FGF8: variants seen among roughly 807,000 people sequenced by gnomAD.
The protein encoded by FGF8 is androgen-induced growth factor.
Under a neutral mutation model 29.7 loss-of-function variants are expected in FGF8, and 12 were observed. That is an observed-to-expected ratio of 0.40 (90% CI 0.26 to 0.65). FGF8 has a LOEUF of 0.65. FGF8 is among the 30% of genes least tolerant of loss of function. The pLI, the probability that FGF8 is intolerant of heterozygous loss-of-function variation, is 0.37. For synonymous variants in FGF8, 157 were observed against 144.4 expected (o/e 1.09, Z -0.63); for missense variants, 271 against 345.1 (o/e 0.79, Z 1.70).
rs1213447388 is a variant in FGF8 at position 101,774,749 on chromosome 10, T to C, written c.320A>G (p.Glu107Gly). The change falls in exon 4 of 6, where the codon GAG becomes GGG. Residue 107 changes from glutamate (E) to glycine (G), a missense_variant. This residue lies in a region of FGF8 where 168 missense variants were observed against 207.0 expected (regional missense o/e 0.81). Coordinates refer to ENST00000320185, the MANE Select transcript of FGF8 (RefSeq NM_033163.5). ...CGCCTTACCGAAGGGGTCGCCGTCC[T>C]CTGCCATGGCGTTGATGCGCTTGTT... is the stretch of plus-strand genomic sequence containing the variant. ...LANKRINAMAEDGDPFAKLIV... is the reference protein window; with the variant it reads ...LANKRINAMAGDGDPFAKLIV... The C allele has an allele frequency of 6.2e-7, 1 of 1,606,644 alleles. No individual in the cohort carries two copies. The highest frequency in any genetic ancestry group is 8.5e-7 in the Non-Finnish European group (1 of 1,179,816).
rs745400628 is a variant in FGF8, at chr10:101,770,404, G to T, written c.660C>A (p.Phe220Leu). ...GHHTTEQSLR[F>L]EFLNYPPFTR... is the part of the protein sequence containing the mutation. ...TGAAGGGCGGGTAGTTGAGGAACTC[G>T]AAGCGCAGGCTCTGCTCGGTGGTGT... The change falls in exon 6 of 6, where the codon TTC (phenylalanine) becomes TTA (leucine). Residue 220 changes from phenylalanine (F) to leucine (L), a missense_variant. Phe to Leu is a conservative substitution (Grantham distance 22). Around this residue, in one of 3 missense-constraint regions of FGF8, gnomAD observed 62 missense variants for 58.1 expected, o/e 1.07. Transcript: ENST00000320185. The T allele has an allele frequency of 1.2e-6, 2 of 1,607,234 alleles. No homozygotes were observed. Among genetic ancestry groups the T allele is most frequent in the Non-Finnish European group, 1.7e-6 (2 of 1,177,356 alleles).
rs767171479 is a variant in FGF8, at chr10:101,774,768, G to A, written c.301C>T (p.Arg101Cys). 1 of 1,609,422 alleles carries A rather than the reference G, an allele frequency of 6.2e-7. No homozygotes were observed. Among genetic ancestry groups the A allele is most frequent in the East Asian group, 2.2e-5 (1 of 44,880 alleles). Residue 101 changes from arginine to cysteine, a missense_variant, in exon 4 of 6, where the codon CGC becomes TGC. Arg to Cys is a radical substitution (Grantham distance 180, BLOSUM62 -3). Around this residue, in one of 3 missense-constraint regions of FGF8, gnomAD observed 168 missense variants for 207.0 expected, o/e 0.81. Coordinates refer to ENST00000320185, the MANE Select transcript of FGF8 (RefSeq NM_033163.5). ...CCGTCCTCTGCCATGGCGTTGATGC[G>A]CTTGTTGGCCAGGACCTGCACGTGC... is the stretch of plus-strand genomic sequence containing the variant. ...GKHVQVLANK[R>C]INAMAEDGDP...
rs1158046394 is a variant in FGF8, at chr10:101,776,038, G to C, written c.-138C>G. 1 of 354,388 alleles carries C rather than the reference G, an allele frequency of 2.8e-6. No individual in the cohort carries two copies. Among genetic ancestry groups the C allele is most frequent in the South Asian group, 1.3e-4 (1 of 7,910 alleles). The allele number at this position is 354,388 out of a possible 1,614,324, so 22.0% of individuals were successfully genotyped here. A position where few individuals can be genotyped will look rare whatever the true frequency, so the allele number is the denominator to read the frequency against. On this transcript the variant is annotated 5_prime_UTR_variant, in exon 1 of 6. Transcript: ENST00000320185. ...GGCGGCGATCACGACGCGGCTCCGC[G>C]GGTCCCGTGGAACGTCGTGCTCGCC...
chr10:101,777,447 G>A (rs1038535845), upstream of FGF8, among the ~76,000 whole-genome samples: 2 of 152,210 alleles, frequency 1.3e-5, no homozygotes, highest in Non-Finnish European at 2.9e-5. Context: ...TAGTCCAGCA[G>A]CACAGCCAGG....
Position 101,771,558 on chromosome 10 carries a change from C to T in FGF8, c.349G>A (p.Val117Met), listed in dbSNP as rs774503381. The T allele has an allele frequency of 1.3e-5, 21 of 1,614,102 alleles. No individual in the cohort carries two copies. Among genetic ancestry groups the T allele is most frequent in the East Asian group, 2.2e-5 (1 of 44,882 alleles). ...CTGCTTCCAAAGGTGTCCGTCTCCA[C>T]GATGAGCTTTGCTGTCAGAGAAGGT... Reference protein sequence around the residue: ...EDGDPFAKLIVETDTFGSRVR... With the variant: ...EDGDPFAKLIMETDTFGSRVR... The change falls in exon 5 of 6, where the codon GTG becomes ATG. Residue 117 changes from valine (V) to methionine (M), a missense_variant. Transcript: ENST00000320185. This position sits in a 1 kb window ranked among gnomAD's most constrained non-coding sequence, Gnocchi z 5.3.
At chr10:101,778,639 G>A (rs1378375815), upstream of FGF8, among the ~76,000 whole-genome samples, 4 of 152,214 alleles carry the variant, frequency 2.6e-5, no homozygotes, top group African/African-American at 7.2e-5. Context: ...CCTGAGAAGC[G>A]GACCCTCACC....
upstream of FGF8, among the ~76,000 whole-genome samples, chr10:101,779,865 A>G (rs573681720): frequency 1.3e-4 from 20 of 152,294 alleles, no homozygotes; most frequent in East Asian, 3.7e-3. The surrounding 1 kb of genome is among the most constrained non-coding windows in gnomAD (Gnocchi z 5.7). Context: ...ACTCCAACTC[A>G]AGTCGTTCGA....
upstream of FGF8, among the ~76,000 whole-genome samples, chr10:101,776,457 G>A: frequency 6.6e-6 from 1 of 151,726 alleles, no homozygotes; most frequent in Non-Finnish European, 1.5e-5. Flanking sequence ...GACGCGCGGG[G>A]ATGGGGGCGC....
At chr10:101,773,101 A>G (rs1205356519) in intron 4 of FGF8, among the ~76,000 whole-genome samples, 19 of 152,134 alleles carry the variant, frequency 1.2e-4, no homozygotes. Flanking sequence ...GTCCTGGCTG[A>G]ACACCCTGAG....
chr10:101,773,930 C>T (rs772071407), intron 4 of FGF8, among the ~76,000 whole-genome samples: 28 of 152,114 alleles, frequency 1.8e-4, no homozygotes, highest in Non-Finnish European at 3.5e-4. Flanking sequence ...TCTTAAAATG[C>T]CTCACCTTTT....
At chr10:101,778,636 A>G (rs1289031341), upstream of FGF8, among the ~76,000 whole-genome samples, 2 of 152,210 alleles carry the variant, frequency 1.3e-5, no homozygotes. Flanking sequence ...CCTCCTGAGA[A>G]GCGGACCCTC....
At chr10:101,776,765 T>C (rs2065099850), upstream of FGF8, among the ~76,000 whole-genome samples, 1 of 151,900 alleles carries the variant, frequency 6.6e-6, no homozygotes, top group African/African-American at 2.4e-5. Flanking sequence ...CCAGTCTCCT[T>C]CACTCTCCCG....
chr10:101,774,025 T>C (rs1267179700), intron 4 of FGF8, among the ~76,000 whole-genome samples: 1 of 152,252 alleles, frequency 6.6e-6, no homozygotes, highest in Non-Finnish European at 1.5e-5. Flanking sequence ...CTCACAATAA[T>C]CGCTCTCTAA....
At chr10:101,776,853 A>ACC (rs1381075808), upstream of FGF8, among the ~76,000 whole-genome samples, 1 of 46,738 alleles carries the variant, frequency 2.1e-5, no homozygotes, top group Admixed American at 2.5e-4. Flanking sequence ...TGTGCCCCTC[A>ACC]CCACACACAC....
At position 101,774,869 on chromosome 10, in the gene FGF8, T is replaced by G; in HGVS notation, c.200A>C (p.Glu67Ala). 6.2e-7 allele frequency: 1 copy of G among 1,614,076 alleles called. No individual in the cohort carries two copies. Residue 67 changes from glutamate (E) to alanine (A), a missense_variant, in exon 4 of 6, where the codon GAG becomes GCG. By Grantham distance (107) the Glu-to-Ala change is moderately radical. Around this residue, in one of 3 missense-constraint regions of FGF8, gnomAD observed 168 missense variants for 207.0 expected, o/e 0.81. Coordinates refer to ENST00000320185, the MANE Select transcript of FGF8 (RefSeq NM_033163.5). ...GAGCTGATCCGTCACCAGGCTCTGC[T>G]CCCTCACATGCTGTGTAAAATTAGG... ...SSPNFTQHVR[E>A]QSLVTDQLSR...
chr10:101,773,430 G>A (rs1338579258), intron 4 of FGF8, among the ~76,000 whole-genome samples: 1 of 152,102 alleles, frequency 6.6e-6, no homozygotes, highest in Non-Finnish European at 1.5e-5. Context: ...AGGGGAGCTC[G>A]GCCACCAGGC....
chr10:101,776,854 C>CCACACACACACA (rs71016347), upstream of FGF8, among the ~76,000 whole-genome samples: 10 of 123,978 alleles, frequency 8.1e-5, no homozygotes, highest in East Asian at 2.5e-4. Flanking sequence ...GTGCCCCTCA[C>CCACACACACACA]CACACACACA....
At position 101,775,473 on chromosome 10, in the gene FGF8, C is replaced by A; in HGVS notation, c.70-257G>T. ...CGGCGGCTGGGTGTTCCCTATGCCC[C>A]CAGCCGGCGAGGATGCATGGGGGAC... On this transcript the variant is annotated intron_variant, in intron 2 of 5. Coordinates refer to ENST00000320185, the MANE Select transcript of FGF8 (RefSeq NM_033163.5). This position sits in a 1 kb window ranked among gnomAD's most constrained non-coding sequence, Gnocchi z 4.6. The A allele has an allele frequency of 1.7e-6, 1 of 604,042 alleles. No homozygotes were observed. The highest frequency in any genetic ancestry group is 2.9e-6 in the Non-Finnish European group (1 of 340,492). 37.4% of individuals were successfully genotyped at this position (604,042 alleles called of 1,614,324 possible).
Position 101,770,165 on chromosome 10 carries a change from C to T in FGF8, c.*164G>A. On this transcript the variant is annotated 3_prime_UTR_variant, in exon 6 of 6. Transcript: ENST00000320185. The stretch of plus-strand genomic sequence containing the variant: ...TTAAAAAAAAAAAAAAAAAAAAAAA[C>T]AGCAAAAACCCAACAGCAAACAATA... 2.6e-6 allele frequency: 1 copy of T among 382,328 alleles called. No individual in the cohort carries two copies. The highest frequency in any genetic ancestry group is 4.5e-6 in the Non-Finnish European group (1 of 223,906). The allele number at this position is 382,328 out of a possible 1,614,324, so 23.7% of individuals were successfully genotyped here.
Sources: gnomAD v4.1 joint callset for allele counts (sites outside exome capture counted in the v4.1 genomes callset) on GRCh38, gnomAD v4.1.1 for gene constraint, gnomAD v4.1.1 regional missense constraint, Gnocchi (gnomAD v3.1) non-coding constraint, MANE v1.5 for transcripts, NCBI Gene and HGNC (gene_info 2026-07-23, HGNC 2026-07-21) for gene names.